PDE2A: variants seen among roughly 807,000 people sequenced by gnomAD.
PDE2A encodes the protein phosphodiesterase 2A, also known as cGMP-dependent 3',5'-cyclic phosphodiesterase.
PDE2A carries 53 observed loss-of-function variants against 133.6 expected under a neutral mutation model. That is an observed-to-expected ratio of 0.40 (90% confidence interval 0.32 to 0.50). The LOEUF is 0.50. Among genes scored for constraint, PDE2A ranks in the 20% least tolerant of loss-of-function variants. The pLI, the probability that PDE2A is intolerant of heterozygous loss-of-function variation, is 0.73. For missense variants in PDE2A, 796 were observed against 1,232.4 expected (o/e 0.65, Z 5.30); for synonymous variants, 491 against 490.2 (o/e 1.00, Z -0.02).
At chr11:72,635,960 G>C (rs540839705) in intron 2 of PDE2A, 4 of 1,197,268 alleles carry the variant, frequency 3.3e-6, no homozygotes, top group Non-Finnish European at 4.3e-6. Flanking sequence ...TCCACACCAC[G>C]AGATCTCAGC....
rs1198044269 is a variant in PDE2A at position 72,608,702 on chromosome 11, C to T, written c.194G>A (p.Arg65His). 19 of 1,577,300 alleles carry T rather than the reference C, an allele frequency of 1.2e-5. No homozygotes were observed. The East Asian group carries it at 2.7e-4, about 23-fold the overall frequency. Residue 65 changes from arginine to histidine, a missense_variant, in exon 3 of 31, where the codon CGT (arginine) becomes CAT (histidine). Coordinates refer to ENST00000334456, the MANE Select transcript of PDE2A (RefSeq NM_002599.5). ...GSVIDISGLQRAVKEALSAVL... is the reference protein window; with the variant it reads ...GSVIDISGLQHAVKEALSAVL... ...AGCTGACAGGGCCTCCTTGACAGCA[C>T]GTTGCAGGCCTGAAATGTCGATGAC...
intron 14 of PDE2A, 33 bp downstream of exon 14, chr11:72,586,037 G>A: frequency 7.9e-7 from 1 of 1,272,168 alleles, no homozygotes; most frequent in Non-Finnish European, 1.1e-6. Context: ...GAGCGAGTCG[G>A]TGCCCGAGAG....
intron 1 of PDE2A, among the ~76,000 whole-genome samples, chr11:72,655,510 CGT>C (rs1025048852): frequency 2.4e-4 from 37 of 151,128 alleles, no homozygotes; most frequent in African/African-American, 7.6e-4. Context: ...TGTGCACGCA[CGT>C]GTGTGTGTGT....
chr11:72,595,725 G>C (rs1392573271), intron 6 of PDE2A, among the ~76,000 whole-genome samples: 2 of 152,094 alleles, frequency 1.3e-5, no homozygotes, highest in Non-Finnish European at 2.9e-5. Flanking sequence ...GACAGAAGCA[G>C]ACCCCCAATA....
At position 72,587,260 on chromosome 11, in the gene PDE2A, G is replaced by C. The variant is rs116572041; in HGVS notation, c.1071-1079C>G. On this transcript the variant is annotated intron_variant, in intron 13 of 30. Transcript: ENST00000334456. ...TCGGAGGTCTTTGCTAATGTCGTCA[G>C]TGTATCCTATCCCTGGCCTTGCCAC... Among the ~76,000 whole-genome samples the C allele has an allele frequency of 4.9e-3, 752 of 152,316 alleles. 3 individuals carry two copies. The highest frequency in any genetic ancestry group is 0.017 in the African/African-American group (720 of 41,566).
In PDE2A at chr11:72,590,027, T is replaced by C; in HGVS notation, c.757-46A>G. On this transcript the variant is annotated intron_variant, in intron 9 of 30. Transcript: ENST00000334456. This position sits in a 1 kb window ranked among gnomAD's most constrained non-coding sequence, Gnocchi z 4.8. ...GCGAGGGGGTGACCGCGGATCCGGG[T>C]CACCCCACTCCCCACCTGCTCCCCT... is the stretch of plus-strand genomic sequence containing the variant. 9 of 1,478,054 alleles carry C rather than the reference T, an allele frequency of 6.1e-6. No homozygotes were observed. The highest frequency in any genetic ancestry group is 1.4e-5 in the African/African-American group (1 of 72,086). 91.6% of individuals were successfully genotyped at this position (1,478,054 alleles called of 1,614,324 possible).
Position 72,674,217 on chromosome 11 carries a change from T to A in PDE2A, c.-10A>T. 6.2e-7 allele frequency: 1 copy of A among 1,606,936 alleles called. No homozygotes were observed. The highest frequency in any genetic ancestry group is 2.2e-5 in the East Asian group (1 of 44,728). ...CGCATGCCTGCCCCATCACTCCTCA[T>A]CGTCCGCCTCCCCAGCCAGACTAAG... is the stretch of plus-strand genomic sequence containing the variant. On this transcript the variant is annotated 5_prime_UTR_variant, in exon 1 of 31. It removes an upstream start codon present in the reference 5' UTR. Coordinates refer to ENST00000334456, the MANE Select transcript of PDE2A (RefSeq NM_002599.5).
intron 1 of PDE2A, among the ~76,000 whole-genome samples, chr11:72,647,886 G>A (rs1330789377): frequency 2.6e-5 from 4 of 152,176 alleles, no homozygotes; most frequent in Admixed American, 6.5e-5. Flanking sequence ...ATACTGCAGT[G>A]GTATAGCTGA....
intron 1 of PDE2A, among the ~76,000 whole-genome samples, chr11:72,672,666 C>T (rs1462476123): frequency 1.3e-5 from 2 of 152,086 alleles, no homozygotes; most frequent in Non-Finnish European, 1.5e-5. Flanking sequence ...CATGCCCAGC[C>T]CAGGGCCTTT....
At chr11:72,614,286 G>C (rs1432023696) in intron 2 of PDE2A, among the ~76,000 whole-genome samples, 1 of 152,240 alleles carries the variant, frequency 6.6e-6, no homozygotes, top group Non-Finnish European at 1.5e-5. Flanking sequence ...CTCTCAATGA[G>C]GCTGAGCTGG....
intron 26 of PDE2A, 27 bp downstream of exon 26, chr11:72,579,507 T>G: frequency 3.7e-6 from 5 of 1,354,154 alleles, no homozygotes; most frequent in Non-Finnish European, 5.2e-6. Flanking sequence ...TCCCCCTCAA[T>G]CCCCACCCCA....
Position 72,588,924 on chromosome 11 carries a change from C to G in PDE2A, c.940-10G>C. On this transcript the variant is annotated splice_polypyrimidine_tract_variant and intron_variant, in intron 12 of 30. Transcript: ENST00000334456. ...GCTGTTGTACATCCTCCTGCAAAGG[C>G]GAGGCAAGTCAGGGCAGGGAAGCAG... 6.3e-7 allele frequency: 1 copy of G among 1,595,176 alleles called. No individual in the cohort carries two copies. The highest frequency in any genetic ancestry group is 8.6e-7 in the Non-Finnish European group (1 of 1,166,590).
At chr11:72,600,961 C>T (rs1856715418) in intron 4 of PDE2A, among the ~76,000 whole-genome samples, 1 of 151,780 alleles carries the variant, frequency 6.6e-6, no homozygotes, top group East Asian at 2.0e-4. Context: ...GTAGGGCCAA[C>T]AGCCTGGAAA....
In PDE2A at chr11:72,576,379, G is replaced by A. The variant is rs1436438306; in HGVS notation, c.*1005C>T. ...CCTATGGGGTCTCCCAAGCCCCAGG[G>A]CACAGGTGGATATGGCCTTGAAGAG... is the stretch of plus-strand genomic sequence containing the variant. On this transcript the variant is annotated 3_prime_UTR_variant, in exon 31 of 31. Coordinates refer to ENST00000334456, the MANE Select transcript of PDE2A (RefSeq NM_002599.5). 7 of 152,392 alleles carry A rather than the reference G, an allele frequency of 4.6e-5. No homozygotes were observed. Among genetic ancestry groups the A allele is most frequent in the African/African-American group, 1.7e-4 (7 of 41,568 alleles). 9.4% of individuals were successfully genotyped at this position (152,392 alleles called of 1,614,324 possible). A position where few individuals can be genotyped will look rare whatever the true frequency, so the allele number is the denominator to read the frequency against.
intron 19 of PDE2A, 51 bp from the exon 20 acceptor site, chr11:72,583,566 T>C (rs371738411): frequency 7.4e-5 from 91 of 1,237,642 alleles, no homozygotes; most frequent in Non-Finnish European, 1.1e-4. Context: ...TGTGAAAATT[T>C]AGCAATGCCC....
chr11:72,595,896 C>T (rs1298564006), intron 6 of PDE2A, among the ~76,000 whole-genome samples: 3 of 152,208 alleles, frequency 2.0e-5, no homozygotes, highest in Non-Finnish European at 4.4e-5. Flanking sequence ...GGGAACTCCT[C>T]GAGGGGCTGC....
intron 1 of PDE2A, among the ~76,000 whole-genome samples, chr11:72,644,368 G>A (rs369882376): frequency 3.9e-5 from 6 of 152,322 alleles, no homozygotes; most frequent in African/African-American, 1.4e-4. Context: ...AAAGGTTCTG[G>A]CCCCCACAGG....
intron 22 of PDE2A, 71 bp from the exon 23 acceptor site, chr11:72,581,550 C>A: frequency 6.7e-7 from 1 of 1,489,016 alleles, no homozygotes. Context: ...TGATGGCAAA[C>A]TACATGTCCC....
intron 1 of PDE2A, among the ~76,000 whole-genome samples, chr11:72,657,164 A>G (rs1429359416): frequency 1.3e-5 from 2 of 151,984 alleles, no homozygotes; most frequent in African/African-American, 4.8e-5. Flanking sequence ...TCACCAAGCC[A>G]TCAGTGGTCC....
Sources: allele counts gnomAD v4.1 joint callset (sites outside exome capture counted in the v4.1 genomes callset), GRCh38; gene constraint gnomAD v4.1.1; non-coding constraint Gnocchi (gnomAD v3.1); transcripts MANE v1.5; gene names NCBI Gene and HGNC (gene_info 2026-07-23, HGNC 2026-07-21).